FOCAD: variants seen among roughly 807,000 people sequenced by gnomAD.
FOCAD encodes the protein focadhesin, also known as KIAA1797.
FOCAD carries 198 observed loss-of-function variants against 225.6 expected under a neutral mutation model. The observed-to-expected ratio is 0.88, with a 90% confidence interval of 0.78 to 0.99. FOCAD has a LOEUF of 0.99. FOCAD is among the 50% of genes least tolerant of loss of function. The pLI is 0.00. For synonymous variants in FOCAD, 897 were observed against 755.0 expected (o/e 1.19, Z -3.08); for missense variants, 2,713 against 2,123.6 (o/e 1.28, Z -5.46).
At chr9:20,883,914 A>G (rs1587499815) in intron 20 of FOCAD, among the ~76,000 whole-genome samples, 1 of 152,306 alleles carries the variant, frequency 6.6e-6, no homozygotes. Flanking sequence ...AAAGATAATA[A>G]AACTCAGTGC....
intron 5 of FOCAD, 38 bp from the exon 6 acceptor site, chr9:20,758,052 G>A (rs374394634): frequency 6.9e-7 from 1 of 1,441,574 alleles, no homozygotes; most frequent in Non-Finnish European, 9.6e-7. Flanking sequence ...GTGTAGTCCT[G>A]AATAACAGGT....
rs1841987615 is a variant in FOCAD, at chr9:20,995,433, T to C, written c.5333-123T>C. The C allele has an allele frequency of 1.5e-5, 8 of 526,466 alleles. No homozygotes were observed. The South Asian group carries it at 2.6e-4, about 17-fold the overall frequency. 32.6% of individuals were successfully genotyped at this position (526,466 alleles called of 1,614,324 possible). A position where few individuals can be genotyped will look rare whatever the true frequency, so the allele number is the denominator to read the frequency against. ...TTCTGCCATTAAAATCCTGCCAAAA[T>C]ATCGATGGAACTCCCTAGTCTTGAA... On this transcript the variant is annotated intron_variant, in intron 43 of 43. Transcript: ENST00000338382.
In FOCAD at chr9:20,827,305, G is replaced by A. The variant is rs145699694; in HGVS notation, c.1920+4190G>A. 8.4e-4 allele frequency among the ~76,000 whole-genome samples: 127 copies of A among 152,092 alleles called. 1 individual carries two copies. The highest frequency in any genetic ancestry group is 3.0e-3 in the African/African-American group (125 of 41,538). ...TCTTATAAACAAAATCATATGATGTGTTGTCTTTTGTAAGTAGCTTCTTTC... is the reference window on the plus strand; with the variant it reads ...TCTTATAAACAAAATCATATGATGTATTGTCTTTTGTAAGTAGCTTCTTTC... On this transcript the variant is annotated intron_variant, in intron 15 of 43. Coordinates refer to ENST00000338382, the MANE Select transcript of FOCAD (RefSeq NM_001375567.1).
chr9:20,768,854 TA>T (rs145474390), intron 7 of FOCAD, among the ~76,000 whole-genome samples: 6,314 of 152,202 alleles, frequency 0.041, 176 homozygotes, highest in African/African-American at 0.081. Flanking sequence ...TATTAAATAA[TA>T]TATTTCTACA....
chr9:20,675,323 A>G (rs922175696), intron 2 of FOCAD, among the ~76,000 whole-genome samples: 1 of 152,258 alleles, frequency 6.6e-6, no homozygotes, highest in African/African-American at 2.4e-5. Context: ...ATACCAGAGC[A>G]TAGCCATCAT....
At chr9:20,987,070 A>C (rs1159761385) in intron 40 of FOCAD, among the ~76,000 whole-genome samples, 2 of 152,198 alleles carry the variant, frequency 1.3e-5, no homozygotes, top group Non-Finnish European at 2.9e-5. Context: ...TCTGGAGACT[A>C]CATTCAAGTT....
At chr9:20,897,114 C>T (rs1478669595) in intron 21 of FOCAD, 4 of 151,826 alleles carry the variant, frequency 2.6e-5, no homozygotes, top group Non-Finnish European at 5.9e-5. Context: ...GTTATGTCTT[C>T]TTCGAGAATT....
At chr9:20,923,576 T>G in intron 24 of FOCAD, 84 bp from the exon 25 acceptor site, 1 of 978,590 alleles carries the variant, frequency 1.0e-6, no homozygotes, top group Non-Finnish European at 1.6e-6. Flanking sequence ...GCTTTTTGAC[T>G]TCACCTGCCC....
At chr9:20,915,973 A>T (rs894441466) in intron 23 of FOCAD, among the ~76,000 whole-genome samples, 4 of 152,184 alleles carry the variant, frequency 2.6e-5, no homozygotes, top group Non-Finnish European at 5.9e-5. Context: ...TTGCAGTCAA[A>T]TGCTTTTAAA....
At chr9:20,766,283 G>T (rs1437511167) in intron 7 of FOCAD, among the ~76,000 whole-genome samples, 1 of 152,152 alleles carries the variant, frequency 6.6e-6, no homozygotes, top group Non-Finnish European at 1.5e-5. Flanking sequence ...TCATTTGGAA[G>T]TACTGGAACT....
rs1282107161 is a variant in FOCAD at position 20,740,159 on chromosome 9, A to T, written c.288-77A>T. Reference sequence around the variant, plus strand: ...GGGTGGCAAGTATTAAAATTATTTTAAAATGATAGGATTAAGCACCTGATT... The same window carrying T: ...GGGTGGCAAGTATTAAAATTATTTTTAAATGATAGGATTAAGCACCTGATT... On this transcript the variant is annotated intron_variant, in intron 4 of 43. Coordinates refer to ENST00000338382, the MANE Select transcript of FOCAD (RefSeq NM_001375567.1). 11 of 941,696 alleles carry T rather than the reference A, an allele frequency of 1.2e-5. No individual in the cohort carries two copies. The Admixed American group carries it at 1.5e-4, about 13-fold the overall frequency. 58.3% of individuals were successfully genotyped at this position (941,696 alleles called of 1,614,324 possible).
At chr9:20,746,795 T>G (rs960359041) in intron 5 of FOCAD, among the ~76,000 whole-genome samples, 10 of 152,248 alleles carry the variant, frequency 6.6e-5, no homozygotes, top group Non-Finnish European at 8.8e-5. Context: ...TACTTTTTAA[T>G]GTATAGGATC....
chr9:20,956,919 C>T (rs1005292410), intron 35 of FOCAD, among the ~76,000 whole-genome samples: 2 of 152,136 alleles, frequency 1.3e-5, no homozygotes, highest in Non-Finnish European at 2.9e-5. Flanking sequence ...GTCTTGAACT[C>T]CCGACCTCAG....
rs10675759 is a variant in FOCAD at position 20,762,814 on chromosome 9, G to GC, written c.495-2051dup. On this transcript the variant is annotated intron_variant, in intron 6 of 43. Transcript: ENST00000338382. Reference sequence around the variant, plus strand: ...CCTAACAGGAAAATTTTCAGCCCTTGCCCCTCCTTCCCACCCTCTGTTTGG... The same window carrying GC: ...CCTAACAGGAAAATTTTCAGCCCTTGCCCCCTCCTTCCCACCCTCTGTTTGG... 2.4e-3 allele frequency among the ~76,000 whole-genome samples: 364 copies of GC among 151,940 alleles called. 1 individual carries two copies. Among genetic ancestry groups the GC allele is most frequent in the African/African-American group, 8.5e-3 (353 of 41,442 alleles).
chr9:20,940,633 G>A (rs1434436386), intron 28 of FOCAD, among the ~76,000 whole-genome samples: 1 of 152,128 alleles, frequency 6.6e-6, no homozygotes, highest in Admixed American at 6.6e-5. Context: ...CTGAGCAGCT[G>A]CATACTGAGC....
chr9:20,798,710 T>C (rs1821422386), intron 11 of FOCAD, among the ~76,000 whole-genome samples: 1 of 152,218 alleles, frequency 6.6e-6, no homozygotes, highest in African/African-American at 2.4e-5. Flanking sequence ...TTATCATTTT[T>C]TATTGCATCT....
In FOCAD at chr9:20,982,459, C is replaced by T. The variant is rs1177483756; in HGVS notation, c.4728+13C>T. The T allele has an allele frequency of 1.9e-6, 3 of 1,582,864 alleles. No homozygotes were observed. Among genetic ancestry groups the T allele is most frequent in the South Asian group, 2.2e-5 (2 of 88,970 alleles). Reference sequence around the variant, plus strand: ...CCAGGTTACTAAGGTAATAACATATCTTTCTATACCTTTTTTCATTATTGA... The same window carrying T: ...CCAGGTTACTAAGGTAATAACATATTTTTCTATACCTTTTTTCATTATTGA... On this transcript the variant is annotated intron_variant, in intron 39 of 43. Coordinates refer to ENST00000338382, the MANE Select transcript of FOCAD (RefSeq NM_001375567.1).
intron 15 of FOCAD, among the ~76,000 whole-genome samples, chr9:20,832,611 T>A (rs979713812): frequency 1.2e-4 from 19 of 152,018 alleles, no homozygotes; most frequent in African/African-American, 4.3e-4. Context: ...CTGTAGTCAC[T>A]CAATTGTGCT....
At chr9:20,807,192 A>T (rs1822549893) in intron 11 of FOCAD, among the ~76,000 whole-genome samples, 1 of 152,232 alleles carries the variant, frequency 6.6e-6, no homozygotes, top group South Asian at 2.1e-4. Flanking sequence ...TCATTTCACA[A>T]TTACTTATCT....
Sources: gnomAD v4.1 joint callset for allele counts (sites outside exome capture counted in the v4.1 genomes callset) on GRCh38, gnomAD v4.1.1 for gene constraint, MANE v1.5 for transcripts, NCBI Gene and HGNC (gene_info 2026-07-23, HGNC 2026-07-21) for gene names.